Variants in PHACTR1 observed in about 807,000 individuals in gnomAD.
PHACTR1 encodes the protein phosphatase and actin regulator 1, also known as RPEL repeat containing 1.
A neutral mutation model predicts 69.2 loss-of-function variants in PHACTR1; 16 were observed. That is an observed-to-expected ratio of 0.23 (90% CI 0.16 to 0.35). The LOEUF (loss-of-function observed/expected upper bound fraction) is 0.35, where lower values mean the gene tolerates loss of function less well. Ranked by LOEUF, PHACTR1 falls within the 10% of genes least tolerant of loss-of-function variation. The probability of loss-of-function intolerance (pLI) is 1.00; values close to 1 mark genes in which losing one functional copy is unlikely to be tolerated. For synonymous variants in PHACTR1, 312 were observed against 284.5 expected, an observed-to-expected ratio of 1.10 and a Z score of -0.97; for missense variants, 510 against 734.7, an observed-to-expected ratio of 0.69 and a Z score of 3.54.
chr6:12,821,475 AAAAAAAAAAGAG>A (rs1252092173), intron 4 of PHACTR1, among the ~76,000 whole-genome samples: 3 of 105,616 alleles, frequency 2.8e-5, no homozygotes, highest in African/African-American at 1.1e-4. Context: ...AAAAAAAAAA[AAAAAAAAAAGAG>A]AGAGAGAGAG....
chr6:12,900,160 C>G (rs530466490), intron 4 of PHACTR1, among the ~76,000 whole-genome samples: 9 of 152,320 alleles, frequency 5.9e-5, no homozygotes, highest in African/African-American at 2.2e-4. Context: ...CTTGTTCTTC[C>G]TCTTAAAGAT....
rs1554172585 is a variant in PHACTR1, at chr6:12,944,787, A to ATTTAT, written c.251-108575_251-108574insATTTT. Among the ~76,000 whole-genome samples the ATTTAT allele has an allele frequency of 8.8e-4, 103 of 116,394 alleles. 1 individual carries two copies. The highest frequency in any genetic ancestry group is 5.3e-3 in the East Asian group (25 of 4,736). The allele number at this position is 116,394 out of a possible 152,430, so 76.4% of individuals were successfully genotyped here. On this transcript the variant is annotated intron_variant, in intron 4 of 14. Coordinates refer to ENST00000332995, the MANE Select transcript of PHACTR1 (RefSeq NM_030948.6). Reference sequence around the variant, plus strand: ...TTTATTTATTTATTTATTTTTATTTATTTTTTTTTTTTTGAGACGGAGTCT... The same window carrying ATTTAT: ...TTTATTTATTTATTTATTTTTATTTATTTATTTTTTTTTTTTTTGAGACGGAGTCT...
At chr6:13,070,223 C>T (rs1158447181) in intron 5 of PHACTR1, among the ~76,000 whole-genome samples, 1 of 152,144 alleles carries the variant, frequency 6.6e-6, no homozygotes, top group Non-Finnish European at 1.5e-5. Flanking sequence ...TCACTTTAAT[C>T]TAGATATGCA....
At chr6:12,909,125 G>A (rs1376050635) in intron 4 of PHACTR1, among the ~76,000 whole-genome samples, 2 of 152,152 alleles carry the variant, frequency 1.3e-5, no homozygotes, top group East Asian at 3.9e-4. Flanking sequence ...GGATGTGAGT[G>A]AAACAAATGG....
chr6:13,273,112 A>C, intron 11 of PHACTR1, 197 bp downstream of exon 11: 1 of 700,806 alleles, frequency 1.4e-6, no homozygotes, highest in Non-Finnish European at 2.3e-6. Flanking sequence ...ATTCCACTTT[A>C]TTCTTTAGAA....
At chr6:13,151,344 C>T (rs939208714) in intron 5 of PHACTR1, among the ~76,000 whole-genome samples, 3 of 152,214 alleles carry the variant, frequency 2.0e-5, no homozygotes, top group Non-Finnish European at 4.4e-5. Context: ...ATTGCTTTTT[C>T]TCCAACTTCT....
intron 6 of PHACTR1, among the ~76,000 whole-genome samples, chr6:13,170,915 G>C (rs908390008): frequency 2.0e-5 from 3 of 152,162 alleles, no homozygotes; most frequent in African/African-American, 7.2e-5. Flanking sequence ...GATCCTCCTA[G>C]AGTCTCTGGG....
intron 6 of PHACTR1, among the ~76,000 whole-genome samples, chr6:13,170,482 C>T (rs1229775367): frequency 3.3e-5 from 5 of 152,170 alleles, no homozygotes; most frequent in Non-Finnish European, 7.3e-5. Context: ...TGCTCTATTA[C>T]TCCCCAGCCA....
At chr6:12,948,920 T>A (rs1332518541) in intron 4 of PHACTR1, among the ~76,000 whole-genome samples, 1 of 152,212 alleles carries the variant, frequency 6.6e-6, no homozygotes, top group African/African-American at 2.4e-5. Context: ...TAAATTTTTA[T>A]AACAGACATG....
At chr6:13,000,705 G>A (rs937889927) in intron 4 of PHACTR1, among the ~76,000 whole-genome samples, 2 of 151,454 alleles carry the variant, frequency 1.3e-5, no homozygotes, top group Non-Finnish European at 2.9e-5. Flanking sequence ...AAAAACAAAG[G>A]TGGTGGAAGA....
At chr6:12,730,709 G>C (rs1346161076) in intron 3 of PHACTR1, among the ~76,000 whole-genome samples, 1 of 152,164 alleles carries the variant, frequency 6.6e-6, no homozygotes, top group Admixed American at 6.5e-5. Flanking sequence ...CAGGTATTAA[G>C]CCTAGTACCC....
chr6:13,180,996 AAG>A lies in PHACTR1; in HGVS notation c.497-1521_497-1520del, dbSNP rs1396645513. 2.6e-5 allele frequency among the ~76,000 whole-genome samples: 4 copies of A among 152,292 alleles called. No individual in the cohort carries two copies. The East Asian group carries it at 7.7e-4, about 29-fold the overall frequency. On this transcript the variant is annotated intron_variant, in intron 6 of 14. Coordinates refer to ENST00000332995, the MANE Select transcript of PHACTR1 (RefSeq NM_030948.6). ...GCATATAAAAAAGCGGAATTAAAAA[AAG>A]AAAAAAAAACACACTCTTCAAATGC...
At chr6:13,068,240 C>G (rs929807464) in intron 5 of PHACTR1, among the ~76,000 whole-genome samples, 1 of 152,108 alleles carries the variant, frequency 6.6e-6, no homozygotes, top group African/African-American at 2.4e-5. Flanking sequence ...TTGCTTGAAC[C>G]TGGGGGACAG....
Position 12,950,858 on chromosome 6 carries a change from G to A in PHACTR1, c.251-102507G>A, listed in dbSNP as rs553537286. Among the ~76,000 whole-genome samples, 216 of 152,274 alleles carry A rather than the reference G, an allele frequency of 1.4e-3. 1 individual carries two copies. The highest frequency in any genetic ancestry group is 4.9e-3 in the African/African-American group (205 of 41,550). Reference sequence around the variant, plus strand: ...TCCCAGGCCTCTTCCTACTGCAGTTGCTACCTTGTAACACCTCATTCATTT... The same window carrying A: ...TCCCAGGCCTCTTCCTACTGCAGTTACTACCTTGTAACACCTCATTCATTT... On this transcript the variant is annotated intron_variant, in intron 4 of 14. Coordinates refer to ENST00000332995, the MANE Select transcript of PHACTR1 (RefSeq NM_030948.6).
chr6:13,067,754 A>C (rs964205531), intron 5 of PHACTR1, among the ~76,000 whole-genome samples: 1 of 152,198 alleles, frequency 6.6e-6, no homozygotes, highest in Non-Finnish European at 1.5e-5. Context: ...ATATGCATTG[A>C]TTAGGTAATC....
At chr6:12,960,793 A>G (rs1024800347) in intron 4 of PHACTR1, among the ~76,000 whole-genome samples, 1 of 152,328 alleles carries the variant, frequency 6.6e-6, no homozygotes, top group East Asian at 1.9e-4. Context: ...CAGATGGGCT[A>G]TAGTGATCCA....
chr6:13,245,823 G>A lies in PHACTR1; in HGVS notation c.1391+15630G>A, dbSNP rs1442868784. On this transcript the variant is annotated intron_variant, in intron 10 of 14. Transcript: ENST00000332995. The surrounding 1 kb of genome is among the most constrained non-coding windows in gnomAD (Gnocchi z 4.1). Reference sequence around the variant, plus strand: ...TTTAATCTATCTCGAGTTGATTTTTGTATATGGTGTAAGGAGCAGGTCCAG... The same window carrying A: ...TTTAATCTATCTCGAGTTGATTTTTATATATGGTGTAAGGAGCAGGTCCAG... Among the ~76,000 whole-genome samples the A allele has an allele frequency of 6.6e-6, 1 of 152,076 alleles. No individual in the cohort carries two copies. The highest frequency in any genetic ancestry group is 1.9e-4 in the East Asian group (1 of 5,194).
chr6:13,207,590 A>ATGTG (rs112423592), intron 8 of PHACTR1, among the ~76,000 whole-genome samples: 30 of 150,896 alleles, frequency 2.0e-4, no homozygotes, highest in Admixed American at 3.3e-4. Flanking sequence ...ACATGAGTGT[A>ATGTG]TGTGTGTGTG....
At chr6:13,261,898 C>T (rs1256761598) in intron 10 of PHACTR1, among the ~76,000 whole-genome samples, 2 of 152,150 alleles carry the variant, frequency 1.3e-5, no homozygotes, top group African/African-American at 2.4e-5. Flanking sequence ...TGGAAGGAAC[C>T]AAGAAGAGAT....
Sources: allele counts gnomAD v4.1 joint callset (sites outside exome capture counted in the v4.1 genomes callset), GRCh38; gene constraint gnomAD v4.1.1; non-coding constraint Gnocchi (gnomAD v3.1); transcripts MANE v1.5; gene names NCBI Gene and HGNC (gene_info 2026-07-23, HGNC 2026-07-21).